The following TENM4 variants were observed in gnomAD, a reference collection of about 807,000 sequenced individuals.
The protein encoded by TENM4 is teneurin transmembrane protein 4, also known as teneurin-4.
TENM4 carries 82 observed loss-of-function variants against 243.3 expected under a neutral mutation model. The observed-to-expected ratio is 0.34, with a 90% CI of 0.28 to 0.40. The LOEUF is 0.40. TENM4 is among the 10% of genes least tolerant of loss of function. The pLI is 1.00. For synonymous variants in TENM4, 1,412 were observed against 1,456.3 expected (o/e 0.97, Z 0.69); for missense variants, 3,138 against 3,673.3 (o/e 0.85, Z 3.77).
intron 2 of TENM4, among the ~76,000 whole-genome samples, chr11:79,257,746 C>T (rs1648029173): frequency 6.6e-6 from 1 of 152,134 alleles, no homozygotes; most frequent in African/African-American, 2.4e-5. Context: ...CTCACACTGG[C>T]CCATTATTAA....
intron 1 of TENM4, among the ~76,000 whole-genome samples, chr11:79,382,435 T>C (rs2135527054): frequency 6.6e-6 from 1 of 152,298 alleles, no homozygotes; most frequent in East Asian, 1.9e-4. Context: ...CCACTCTCAG[T>C]CCAGAATTTA....
intron 1 of TENM4, among the ~76,000 whole-genome samples, chr11:79,380,430 C>A (rs1251412051): frequency 2.0e-5 from 3 of 152,142 alleles, no homozygotes; most frequent in African/African-American, 7.2e-5. Flanking sequence ...ATGGGAGAAT[C>A]TCCATCCTTG....
chr11:78,868,196 C>T lies in TENM4; in HGVS notation c.1085-5064G>A, dbSNP rs538946183. ...TATTCCATGTTCCCTGAAGAATGAA[C>T]GGTAACTACTCATCATCTGTGTTAC... On this transcript the variant is annotated intron_variant, in intron 9 of 33. Coordinates refer to ENST00000278550, the MANE Select transcript of TENM4 (RefSeq NM_001098816.3). 3.9e-5 allele frequency among the ~76,000 whole-genome samples: 6 copies of T among 151,974 alleles called. No homozygotes were observed. The South Asian group carries it at 1.2e-3, about 32-fold the overall frequency.
intron 4 of TENM4, among the ~76,000 whole-genome samples, chr11:79,139,007 ATTATAT>A (rs1312351484): frequency 1.8e-5 from 1 of 56,364 alleles, no homozygotes; most frequent in South Asian, 4.6e-4. Context: ...TAAAATATAT[ATTATAT>A]TTCTATAAAT....
chr11:79,100,845 C>T (rs1363282337), intron 4 of TENM4, among the ~76,000 whole-genome samples: 2 of 152,140 alleles, frequency 1.3e-5, no homozygotes, highest in African/African-American at 4.8e-5. Context: ...TGTTCTTAAC[C>T]TTCCACTCCC....
At chr11:79,234,269 C>A (rs572882283) in intron 2 of TENM4, among the ~76,000 whole-genome samples, 10 of 152,268 alleles carry the variant, frequency 6.6e-5, no homozygotes, top group Non-Finnish European at 1.2e-4. Flanking sequence ...TATAAAGAAG[C>A]CTGTCAAGTA....
chr11:79,031,799 T>C (rs917897405), intron 6 of TENM4, among the ~76,000 whole-genome samples: 2 of 152,138 alleles, frequency 1.3e-5, no homozygotes, highest in African/African-American at 4.8e-5. Flanking sequence ...TGCTAGGGCA[T>C]TGGTTCTTAA....
chr11:79,209,051 G>A lies in TENM4; in HGVS notation c.-163+6757C>T, dbSNP rs189198048. On this transcript the variant is annotated intron_variant, in intron 3 of 33. Coordinates refer to ENST00000278550, the MANE Select transcript of TENM4 (RefSeq NM_001098816.3). ...AGGTGCAATTAGCAACAGGAAGCGAGCCCAATGTTTGGGAGGATTTGGTAA... is the reference window on the plus strand; with the variant it reads ...AGGTGCAATTAGCAACAGGAAGCGAACCCAATGTTTGGGAGGATTTGGTAA... Among the ~76,000 whole-genome samples, 11 of 152,302 alleles carry A rather than the reference G, an allele frequency of 7.2e-5. No individual in the cohort carries two copies. In the East Asian group the frequency reaches 1.9e-3, roughly 27 times the overall value.
At chr11:79,327,617 T>C (rs914390128) in intron 1 of TENM4, among the ~76,000 whole-genome samples, 6 of 150,300 alleles carry the variant, frequency 4.0e-5, no homozygotes, top group Non-Finnish European at 8.8e-5. Context: ...AAATCACTTA[T>C]AGCGAGATAA....
At chr11:78,787,398 C>T (rs1477774804) in intron 15 of TENM4, among the ~76,000 whole-genome samples, 1 of 152,212 alleles carries the variant, frequency 6.6e-6, no homozygotes. Context: ...TTCTTGCCAA[C>T]CTGTCCCTGC....
chr11:79,158,644 C>T (rs531443853), intron 3 of TENM4, among the ~76,000 whole-genome samples: 1 of 152,288 alleles, frequency 6.6e-6, no homozygotes, highest in Admixed American at 6.5e-5. Flanking sequence ...GTAGTTTATA[C>T]TTCTGAAATT....
At chr11:78,697,964 C>G (rs1859007156) in intron 28 of TENM4, among the ~76,000 whole-genome samples, 1 of 152,194 alleles carries the variant, frequency 6.6e-6, no homozygotes, top group Non-Finnish European at 1.5e-5. Flanking sequence ...GAGCTTCCTA[C>G]CAGCAGACCT....
At chr11:79,415,037 C>G (rs548724779) in intron 1 of TENM4, among the ~76,000 whole-genome samples, 15 of 152,330 alleles carry the variant, frequency 9.8e-5, no homozygotes, top group African/African-American at 3.6e-4. Flanking sequence ...TCCCTCTTCA[C>G]CCCACCACTT....
intron 16 of TENM4, 82 bp from the exon 17 acceptor site, chr11:78,778,710 CACAG>C (rs1250134562): frequency 2.1e-5 from 28 of 1,337,516 alleles, no homozygotes; most frequent in Non-Finnish European, 2.9e-5. Flanking sequence ...CCAGATGCTA[CACAG>C]ACAAAGGGAT....
At chr11:79,099,713 C>T (rs1395593210) in intron 4 of TENM4, among the ~76,000 whole-genome samples, 1 of 152,188 alleles carries the variant, frequency 6.6e-6, no homozygotes, top group Non-Finnish European at 1.5e-5. Context: ...TCCCCAGAGA[C>T]CTTTTTGTAA....
At chr11:78,660,279 C>T (rs1857996826) in intron 33 of TENM4, among the ~76,000 whole-genome samples, 1 of 152,156 alleles carries the variant, frequency 6.6e-6, no homozygotes, top group African/African-American at 2.4e-5. Flanking sequence ...AACCCTGGTC[C>T]CCTCACCTGT....
At chr11:79,224,961 G>C (rs1864234878) in intron 2 of TENM4, among the ~76,000 whole-genome samples, 1 of 151,730 alleles carries the variant, frequency 6.6e-6, no homozygotes, top group Non-Finnish European at 1.5e-5. Context: ...AAAAAAAAAA[G>C]GGGGAGGGGG....
rs111731061 is a variant in TENM4, at chr11:79,161,943, A to G, written c.-162-13137T>C. Among the ~76,000 whole-genome samples, 715 of 152,296 alleles carry G rather than the reference A, an allele frequency of 4.7e-3. 4 individuals are homozygous for G. The highest frequency in any genetic ancestry group is 0.016 in the African/African-American group (674 of 41,570). On this transcript the variant is annotated intron_variant, in intron 3 of 33. Coordinates refer to ENST00000278550, the MANE Select transcript of TENM4 (RefSeq NM_001098816.3). ...GGACACAGGTACTATCATTACCCCC[A>G]GTTACAAATTAGCAAGTTTGTGGTA...
chr11:79,039,557 A>G (rs1416182077), intron 6 of TENM4, among the ~76,000 whole-genome samples: 2 of 152,208 alleles, frequency 1.3e-5, no homozygotes, highest in Non-Finnish European at 2.9e-5. Flanking sequence ...GAACTCCTCT[A>G]CAGAAAAGAA....
Sources: allele counts gnomAD v4.1 joint callset (sites outside exome capture counted in the v4.1 genomes callset), GRCh38; gene constraint gnomAD v4.1.1; transcripts MANE v1.5; gene names NCBI Gene and HGNC (gene_info 2026-07-23, HGNC 2026-07-21).